AGBL1: variants seen among roughly 807,000 people sequenced by gnomAD.
AGBL1 encodes AGBL carboxypeptidase 1, also known as cytosolic carboxypeptidase 4.
In AGBL1, 130 loss-of-function variants were observed where a neutral mutation model predicts 118.9. That is an observed-to-expected ratio of 1.09 (90% CI 0.95 to 1.26). The LOEUF is 1.26. Among genes scored for constraint, AGBL1 ranks in the 50% most tolerant of loss-of-function variants. The pLI, the probability that AGBL1 is intolerant of heterozygous loss-of-function variation, is 0.00. For missense variants in AGBL1, 1,584 were observed against 1,298.1 expected (o/e 1.22, Z -3.38); for synonymous variants, 555 against 478.9 (o/e 1.16, Z -2.08).
At chr15:86,145,673 G>A (rs1029442418) in intron 3 of AGBL1, among the ~76,000 whole-genome samples, 1 of 152,134 alleles carries the variant, frequency 6.6e-6, no homozygotes, top group Non-Finnish European at 1.5e-5. Flanking sequence ...CTGCATGAGC[G>A]TGTCCCAGAA....
At chr15:86,282,213 G>C (rs8025784) in intron 16 of AGBL1, among the ~76,000 whole-genome samples, 106,513 of 151,966 alleles carry the variant, frequency 0.7, 38,368 homozygotes, top group African/African-American at 0.83. Context: ...AAGATTTCAT[G>C]TTAAAGGGAA....
chr15:87,029,515 C>T (rs1245053991), downstream of AGBL1, among the ~76,000 whole-genome samples: 2 of 151,900 alleles, frequency 1.3e-5, no homozygotes, highest in Non-Finnish European at 2.9e-5. Context: ...ACGACAGCAA[C>T]ATTAGGAATA....
intron 22 of AGBL1, among the ~76,000 whole-genome samples, chr15:86,779,509 A>G (rs981857023): frequency 6.6e-5 from 10 of 152,202 alleles, no homozygotes; most frequent in African/African-American, 2.4e-4. Context: ...TAGGGCTGCT[A>G]TGAACAGTAT....
chr15:86,697,585 C>T (rs570473279), intron 22 of AGBL1, among the ~76,000 whole-genome samples: 1 of 151,332 alleles, frequency 6.6e-6, no homozygotes, highest in Non-Finnish European at 1.5e-5. Flanking sequence ...AACCTTCTGA[C>T]AATTCAGGGA....
chr15:86,214,137 G>T (rs1378790608), intron 5 of AGBL1, among the ~76,000 whole-genome samples: 1 of 152,196 alleles, frequency 6.6e-6, no homozygotes, highest in African/African-American at 2.4e-5. Flanking sequence ...ACAGATAACA[G>T]TCAGGTTTGT....
intron 22 of AGBL1, among the ~76,000 whole-genome samples, chr15:86,699,030 G>T (rs151254614): frequency 1.3e-5 from 2 of 151,926 alleles, no homozygotes; most frequent in African/African-American, 4.8e-5. Context: ...AAGATGAGGA[G>T]GTCAAAGTAT....
chr15:86,968,720 A>C (rs1207745177), intron 23 of AGBL1, among the ~76,000 whole-genome samples: 1 of 151,894 alleles, frequency 6.6e-6, no homozygotes, highest in African/African-American at 2.4e-5. Context: ...TCAGGCTGCT[A>C]TAACAAAATG....
chr15:86,782,705 T>C (rs1050856642), intron 22 of AGBL1, among the ~76,000 whole-genome samples: 2 of 152,024 alleles, frequency 1.3e-5, no homozygotes, highest in African/African-American at 4.8e-5. Context: ...AAGGTAGGGA[T>C]AGGTGGCAAT....
At chr15:86,753,397 C>CTT (rs1555446759) in intron 22 of AGBL1, among the ~76,000 whole-genome samples, 32,854 of 111,024 alleles carry the variant, frequency 0.3, 4,743 homozygotes, top group African/African-American at 0.34. Context: ...TTTTCTTTTT[C>CTT]TTTTTTTTTT....
At chr15:86,518,138 C>A (rs542801398) in intron 18 of AGBL1, among the ~76,000 whole-genome samples, 2 of 152,162 alleles carry the variant, frequency 1.3e-5, no homozygotes, top group South Asian at 4.1e-4. Context: ...ATTTTTGAAT[C>A]CTCTTGTATT....
At chr15:86,346,909 G>T (rs1446794978) in intron 17 of AGBL1, among the ~76,000 whole-genome samples, 1 of 152,142 alleles carries the variant, frequency 6.6e-6, no homozygotes, top group Non-Finnish European at 1.5e-5. Context: ...GCTGTTTTGT[G>T]TTGATCTGTT....
At chr15:86,708,208 G>A (rs545738967) in intron 22 of AGBL1, among the ~76,000 whole-genome samples, 6 of 152,166 alleles carry the variant, frequency 3.9e-5, no homozygotes, top group African/African-American at 1.2e-4. Context: ...GGCCAATATT[G>A]GATTGGACCC....
chr15:86,444,144 A>T (rs2082095595), intron 18 of AGBL1, among the ~76,000 whole-genome samples: 1 of 152,178 alleles, frequency 6.6e-6, no homozygotes, highest in Non-Finnish European at 1.5e-5. Context: ...GATAATAGCC[A>T]TTCTAACTGG....
chr15:86,534,158 C>A (rs1392519264), intron 19 of AGBL1, among the ~76,000 whole-genome samples: 7 of 149,462 alleles, frequency 4.7e-5, no homozygotes, highest in South Asian at 2.1e-4. Context: ...TTTGAGGAAC[C>A]CAGATTTTAC....
chr15:86,135,807 C>T (rs2076881540), intron 1 of AGBL1, among the ~76,000 whole-genome samples: 1 of 152,154 alleles, frequency 6.6e-6, no homozygotes, highest in Non-Finnish European at 1.5e-5. Context: ...TAAATTTGGA[C>T]TAGCGTCCAG....
chr15:86,523,073 T>C (rs2083211653), intron 19 of AGBL1, 134 bp downstream of exon 19: 1 of 1,086,274 alleles, frequency 9.2e-7, no homozygotes, highest in Non-Finnish European at 1.4e-6. Context: ...GGAGGATGCA[T>C]GGTGCATTGA....
intron 17 of AGBL1, among the ~76,000 whole-genome samples, chr15:86,301,207 G>A (rs1038674565): frequency 6.6e-6 from 1 of 152,046 alleles, no homozygotes; most frequent in African/African-American, 2.4e-5. Flanking sequence ...GAGACATGTG[G>A]GGACAAGTAT....
At chr15:86,406,855 C>T (rs913187920) in intron 18 of AGBL1, among the ~76,000 whole-genome samples, 1 of 151,930 alleles carries the variant, frequency 6.6e-6, no homozygotes. Flanking sequence ...ATTGATGGGG[C>T]CATAATTAAT....
At chr15:86,805,370 T>C (rs8028090) in intron 22 of AGBL1, among the ~76,000 whole-genome samples, 6,504 of 152,104 alleles carry the variant, frequency 0.043, 306 homozygotes, top group South Asian at 0.11. Context: ...TGCAAGAGCC[T>C]TGTTCCTCTG....
Sources: gnomAD v4.1 joint callset for allele counts (sites outside exome capture counted in the v4.1 genomes callset) on GRCh38, gnomAD v4.1.1 for gene constraint, MANE v1.5 for transcripts, NCBI Gene and HGNC (gene_info 2026-07-23, HGNC 2026-07-21) for gene names.